Variants in KSR2 observed in about 807,000 individuals in gnomAD.
KSR2 encodes kinase suppressor of ras 2.
KSR2 carries 25 observed loss-of-function variants against 107.8 expected under a neutral mutation model. That is an observed-to-expected ratio of 0.23 (90% CI 0.17 to 0.32). The LOEUF is 0.32. Among genes scored for constraint, KSR2 ranks in the 10% least tolerant of loss-of-function variants. The pLI is 1.00. For synonymous variants in KSR2, 480 were observed against 507.0 expected, an observed-to-expected ratio of 0.95 and a Z score of 0.71; for missense variants, 887 against 1,268.9, an observed-to-expected ratio of 0.70 and a Z score of 4.57.
chr12:117,620,028 G>A (rs1241273144), intron 5 of KSR2, among the ~76,000 whole-genome samples: 5 of 152,026 alleles, frequency 3.3e-5, no homozygotes, highest in South Asian at 2.1e-4. Flanking sequence ...TCAAACAAAC[G>A]AAACCCTACA....
intron 5 of KSR2, among the ~76,000 whole-genome samples, chr12:117,662,666 C>T (rs116347052): frequency 1.8e-3 from 275 of 152,264 alleles, no homozygotes; most frequent in African/African-American, 6.4e-3. Context: ...GGTGTCATTA[C>T]GACCAAGATG....
intron 14 of KSR2, among the ~76,000 whole-genome samples, chr12:117,503,376 G>A (rs1222043310): frequency 6.6e-6 from 1 of 152,178 alleles, no homozygotes; most frequent in Non-Finnish European, 1.5e-5. Context: ...CAATCTCTTT[G>A]CAGTTATGTT....
chr12:117,525,943 T>C (rs751575808), intron 13 of KSR2, among the ~76,000 whole-genome samples: 1 of 152,226 alleles, frequency 6.6e-6, no homozygotes, highest in Non-Finnish European at 1.5e-5. Flanking sequence ...CTGGCCTCTG[T>C]ATGACCTTGA....
At chr12:117,693,411 A>C (rs1223618131) in intron 4 of KSR2, among the ~76,000 whole-genome samples, 1 of 152,222 alleles carries the variant, frequency 6.6e-6, no homozygotes, top group Non-Finnish European at 1.5e-5. Context: ...GATTGTGCTG[A>C]CTTGGTAGAA....
intron 5 of KSR2, among the ~76,000 whole-genome samples, chr12:117,654,543 G>A (rs905793354): frequency 6.6e-6 from 1 of 152,252 alleles, no homozygotes; most frequent in Non-Finnish European, 1.5e-5. Flanking sequence ...AATCTTCCCA[G>A]TGGGCAGAAC....
chr12:117,886,265 C>T (rs866708994), intron 1 of KSR2, among the ~76,000 whole-genome samples: 1 of 150,130 alleles, frequency 6.7e-6, no homozygotes, highest in Non-Finnish European at 1.5e-5. Flanking sequence ...GTTTATATAG[C>T]TATAAATATA....
chr12:117,793,522 TACACCAAC>T (rs1890379271), intron 3 of KSR2, among the ~76,000 whole-genome samples: 1 of 74,076 alleles, frequency 1.3e-5, no homozygotes, highest in Admixed American at 1.5e-4. Flanking sequence ...TATGCACACA[TACACCAAC>T]GTGCACTCAC....
chr12:117,779,301 T>A (rs115826948), intron 3 of KSR2, among the ~76,000 whole-genome samples: 1 of 152,190 alleles, frequency 6.6e-6, no homozygotes. Context: ...CCTGCCAACA[T>A]AACTTCTTGC....
At chr12:117,663,022 G>A (rs1372659975) in intron 5 of KSR2, among the ~76,000 whole-genome samples, 5 of 151,946 alleles carry the variant, frequency 3.3e-5, no homozygotes, top group African/African-American at 9.7e-5. Context: ...GAGTCTAGGT[G>A]GAGCAGCAAA....
Position 117,741,522 on chromosome 12 carries a change from C to A in KSR2, c.986+19489G>T, listed in dbSNP as rs939295200. Among the ~76,000 whole-genome samples, 5 of 152,218 alleles carry A rather than the reference C, an allele frequency of 3.3e-5. No individual in the cohort carries two copies. In the South Asian group the frequency reaches 1.0e-3, roughly 32 times the overall value. On this transcript the variant is annotated intron_variant, in intron 4 of 19. Coordinates refer to ENST00000339824, the MANE Select transcript of KSR2 (RefSeq NM_173598.6). The stretch of plus-strand genomic sequence containing the variant: ...CCTAGGCGACAGAGCAAGACCCTAT[C>A]TTTTAAAAACAAACATAAACAAACA...
chr12:117,764,216 C>T (rs534416634), intron 3 of KSR2, among the ~76,000 whole-genome samples: 3 of 150,052 alleles, frequency 2.0e-5, no homozygotes, highest in South Asian at 2.1e-4. Context: ...AGCTGATGGT[C>T]GAGCCTTCCA....
At chr12:117,782,367 G>A (rs1365320059) in intron 3 of KSR2, among the ~76,000 whole-genome samples, 8 of 152,156 alleles carry the variant, frequency 5.3e-5, no homozygotes, top group Admixed American at 3.3e-4. Context: ...AGGCTCAACC[G>A]ATCCTCCCAC....
rs1893074351 is a variant in KSR2, at chr12:117,855,558, C to T, written c.342G>A (p.Leu114=). ...TCATCTCCAAGAGGTCCTCCAGGCTCAGCTGGCCGGGGGAGATTTCCTAGA... is the reference window on the plus strand; with the variant it reads ...TCATCTCCAAGAGGTCCTCCAGGCTTAGCTGGCCGGGGGAGATTTCCTAGA... ...EVLEEISPGQ[L]SLEDLLEMTD... The change falls in exon 3 of 20, where the codon CTG becomes CTA. Residue 114 remains leucine, a synonymous_variant. Transcript: ENST00000339824. 6.2e-7 allele frequency: 1 copy of T among 1,613,898 alleles called. No individual in the cohort carries two copies. The highest frequency in any genetic ancestry group is 8.5e-7 in the Non-Finnish European group (1 of 1,179,900).
chr12:117,625,171 T>G (rs1565931497), intron 5 of KSR2, among the ~76,000 whole-genome samples: 1 of 152,058 alleles, frequency 6.6e-6, no homozygotes, highest in Non-Finnish European at 1.5e-5. Flanking sequence ...GACTTCCTCA[T>G]TTCCTAATTG....
At position 117,742,298 on chromosome 12, in the gene KSR2, G is replaced by A. The variant is rs566898451; in HGVS notation, c.986+18713C>T. ...TATCAAGGGTGTTATTGGGACAACT[G>A]AAATCTAAATAAGTTTGGAGATTAG... On this transcript the variant is annotated intron_variant, in intron 4 of 19. Coordinates refer to ENST00000339824, the MANE Select transcript of KSR2 (RefSeq NM_173598.6). Among the ~76,000 whole-genome samples the A allele has an allele frequency of 2.8e-3, 425 of 152,312 alleles. 2 individuals carry two copies. Among genetic ancestry groups the A allele is most frequent in the Non-Finnish European group, 4.9e-3 (330 of 68,024 alleles).
At chr12:117,758,880 C>T (rs374808469) in intron 4 of KSR2, among the ~76,000 whole-genome samples, 85 of 152,174 alleles carry the variant, frequency 5.6e-4, no homozygotes, top group African/African-American at 1.8e-3. Flanking sequence ...GTGGGGCCAC[C>T]GTAGCAACCA....
intron 1 of KSR2, among the ~76,000 whole-genome samples, chr12:117,927,220 AC>A (rs1292180421): frequency 6.6e-6 from 1 of 150,800 alleles, no homozygotes; most frequent in Non-Finnish European, 1.5e-5. Flanking sequence ...TACTAAAAAT[AC>A]AAAAATTAGC....
At chr12:117,643,437 A>G (rs1164505365) in intron 5 of KSR2, among the ~76,000 whole-genome samples, 1 of 152,142 alleles carries the variant, frequency 6.6e-6, no homozygotes, top group Non-Finnish European at 1.5e-5. Flanking sequence ...ACAGAGCAAG[A>G]CTCTATCTCA....
intron 14 of KSR2, among the ~76,000 whole-genome samples, chr12:117,518,492 C>T (rs1874533341): frequency 6.6e-6 from 1 of 152,212 alleles, no homozygotes; most frequent in Non-Finnish European, 1.5e-5. Flanking sequence ...TTGGCTTGTG[C>T]CCTTTGGCGC....
Sources: allele counts gnomAD v4.1 joint callset (sites outside exome capture counted in the v4.1 genomes callset), GRCh38; gene constraint gnomAD v4.1.1; transcripts MANE v1.5; gene names NCBI Gene and HGNC (gene_info 2026-07-23, HGNC 2026-07-21).